CFAP251: variants seen among roughly 807,000 people sequenced by gnomAD.
CFAP251 encodes the protein cilia- and flagella-associated protein 251.
A neutral mutation model predicts 126.7 loss-of-function variants in CFAP251; 93 were observed. That is an observed-to-expected ratio of 0.73 (90% CI 0.62 to 0.87). CFAP251 has a LOEUF of 0.87. Among genes scored for constraint, CFAP251 ranks in the 40% least tolerant of loss-of-function variants. CFAP251 has a pLI of 0.00. For synonymous variants in CFAP251, 503 were observed against 506.9 expected (o/e 0.99, Z 0.10); for missense variants, 1,287 against 1,389.2 (o/e 0.93, Z 1.17).
At chr12:121,941,252 G>A (rs1039120527) in intron 5 of CFAP251, among the ~76,000 whole-genome samples, 9 of 149,332 alleles carry the variant, frequency 6.0e-5, no homozygotes, top group Admixed American at 3.3e-4. Context: ...GGCTGGTCTC[G>A]AACTCCTGAC....
At position 121,968,124 on chromosome 12, in the gene CFAP251, C is replaced by T. The variant is rs776828759; in HGVS notation, c.2726C>T (p.Ala909Val). ...TATGATGGCTGCTACGCCTTCACTG[C>T]GGGAGGGCACGATCGCTCGGTGGTG... ...VSYDGCYAFT[A>V]GGHDRSVVQW... is the part of the protein sequence containing the mutation. Residue 909 changes from alanine (A) to valine (V), a missense_variant, in exon 17 of 22, where the codon GCG (alanine) becomes GTG (valine). Transcript: ENST00000288912. 19 of 1,612,796 alleles carry T rather than the reference C, an allele frequency of 1.2e-5. No individual in the cohort carries two copies. Among genetic ancestry groups the T allele is most frequent in the South Asian group, 9.9e-5 (9 of 90,980 alleles).
At chr12:121,945,817 C>T (rs1232682325) in intron 7 of CFAP251, among the ~76,000 whole-genome samples, 1 of 151,788 alleles carries the variant, frequency 6.6e-6, no homozygotes, top group South Asian at 2.1e-4. Context: ...AGGCGCCCAC[C>T]ACCACGCCTG....
chr12:121,977,137 A>G lies in CFAP251; in HGVS notation c.3006+1452A>G, dbSNP rs150374546. On this transcript the variant is annotated intron_variant, in intron 19 of 21. Transcript: ENST00000288912. The stretch of plus-strand genomic sequence containing the variant: ...AGAGCCTACTACACGCCTGGGCCGT[A>G]TGGTAGAGCCTGTTGCTCCTAGGCT... Among the ~76,000 whole-genome samples, 8 of 152,316 alleles carry G rather than the reference A, an allele frequency of 5.3e-5. No homozygotes were observed. The East Asian group carries it at 1.5e-3, about 29-fold the overall frequency.
intron 1 of CFAP251, among the ~76,000 whole-genome samples, chr12:121,919,390 T>C (rs1880063918): frequency 6.6e-6 from 1 of 152,312 alleles, no homozygotes; most frequent in Admixed American, 6.5e-5. Context: ...AAGGAATAAA[T>C]GGAGAATATG....
At chr12:121,941,554 G>A (rs1190389211) in intron 5 of CFAP251, among the ~76,000 whole-genome samples, 4 of 151,802 alleles carry the variant, frequency 2.6e-5, no homozygotes, top group Non-Finnish European at 5.9e-5. Context: ...GGCTGATCTT[G>A]AACTCCTTAG....
In CFAP251 at chr12:121,975,282, T is replaced by C. The variant is rs770483356; in HGVS notation, c.2810T>C (p.Leu937Ser). The C allele has an allele frequency of 2.5e-6, 4 of 1,614,018 alleles. No individual in the cohort carries two copies. The highest frequency in any genetic ancestry group is 3.4e-6 in the Non-Finnish European group (4 of 1,180,050). Residue 937 changes from leucine to serine, a missense_variant, in exon 18 of 22, where the codon TTG (leucine) becomes TCG (serine). Coordinates refer to ENST00000288912, the MANE Select transcript of CFAP251 (RefSeq NM_144668.6). ...EAAVSLGGED[L>S]TPFYGLLSGG... ...GCGGTTTCTCTTGGGGGTGAAGACTTGACCCCATTCTATGGTCTGCTGTCT... is the reference window on the plus strand; with the variant it reads ...GCGGTTTCTCTTGGGGGTGAAGACTCGACCCCATTCTATGGTCTGCTGTCT...
intron 19 of CFAP251, among the ~76,000 whole-genome samples, chr12:121,987,639 C>T (rs913478783): frequency 3.3e-5 from 5 of 150,254 alleles, no homozygotes; most frequent in Non-Finnish European, 4.4e-5. Context: ...CGCTTGAACC[C>T]GGGAGGCGGA....
intron 19 of CFAP251, among the ~76,000 whole-genome samples, chr12:121,993,281 C>A (rs1193064872): frequency 3.2e-4 from 33 of 103,210 alleles, no homozygotes; most frequent in African/African-American, 8.9e-4. Context: ...CAATGGTGCC[C>A]AGGCTGGAGT....
At chr12:121,983,616 A>G (rs1285962969) in intron 19 of CFAP251, among the ~76,000 whole-genome samples, 1 of 152,144 alleles carries the variant, frequency 6.6e-6, no homozygotes, top group African/African-American at 2.4e-5. Context: ...CGGAGGTTGT[A>G]AGGTTTGCAC....
In CFAP251 at chr12:121,923,917, G is replaced by T; in HGVS notation, c.674G>T (p.Arg225Leu). Residue 225 changes from arginine (R) to leucine (L), a missense_variant, in exon 3 of 22, where the codon CGG (arginine) becomes CTG (leucine). Transcript: ENST00000288912. ...ATCCAGTCCAAAGCAGGGATCTCCC[G>T]GGAGTCACTGGTGTCCAGCACCACA... ...SDIQSKAGIS[R>L]ESLVSSTTED... 6.2e-7 allele frequency: 1 copy of T among 1,614,048 alleles called. No individual in the cohort carries two copies. The highest frequency in any genetic ancestry group is 1.7e-5 in the Admixed American group (1 of 59,984).
At chr12:121,931,696 C>G (rs764293834) in intron 3 of CFAP251, 50 bp from the exon 4 acceptor site, 2 of 1,440,152 alleles carry the variant, frequency 1.4e-6, no homozygotes, top group South Asian at 1.7e-5. Context: ...AGCCCCAGCT[C>G]TGGGCTGAAC....
chr12:121,921,443 A>T lies in CFAP251; in HGVS notation c.138A>T (p.Ala46=), dbSNP rs1034333599. The change falls in exon 2 of 22, where the codon GCA becomes GCT. Residue 46 remains alanine, a synonymous_variant. Transcript: ENST00000288912. ...AGGAATCAAAAGATGACACAATAGC[A>T]TGGAGAGAGTCTCAGGAGGAGGAGA... ...PQQESKDDTI[A]WRESQEEERK... 6.8e-6 allele frequency: 11 copies of T among 1,613,472 alleles called. No individual in the cohort carries two copies. The highest frequency in any genetic ancestry group is 8.5e-6 in the Non-Finnish European group (10 of 1,179,818).
intron 19 of CFAP251, among the ~76,000 whole-genome samples, chr12:121,981,956 C>T (rs534729414): frequency 3.9e-5 from 6 of 152,144 alleles, no homozygotes; most frequent in Non-Finnish European, 7.3e-5. Flanking sequence ...GTATCCGTTT[C>T]GTACAGTACA....
chr12:122,002,908 A>C (rs1308247387), intron 21 of CFAP251, among the ~76,000 whole-genome samples: 1 of 151,980 alleles, frequency 6.6e-6, no homozygotes, highest in Non-Finnish European at 1.5e-5. Flanking sequence ...CCCCACATCA[A>C]ATTAAACAAA....
Position 121,999,779 on chromosome 12 carries a change from A to C in CFAP251, c.3070A>C (p.Lys1024Gln), listed in dbSNP as rs764550507. ...EYVDTGKLID[K>Q]INLPDFLKVY... ...TGTGGACACTGGAAAGCTAATCGAC[A>C]AGATCAACTTACCAGATTTCCTAAA... Residue 1024 changes from lysine to glutamine, a missense_variant, in exon 20 of 22, where the codon AAG (lysine) becomes CAG (glutamine). By Grantham distance (53) the Lys-to-Gln change is moderately conservative. Coordinates refer to ENST00000288912, the MANE Select transcript of CFAP251 (RefSeq NM_144668.6). 1.2e-6 allele frequency: 2 copies of C among 1,613,860 alleles called. No individual in the cohort carries two copies. The highest frequency in any genetic ancestry group is 1.3e-5 in the African/African-American group (1 of 74,942).
At chr12:121,993,681 C>T (rs1251554540) in intron 19 of CFAP251, among the ~76,000 whole-genome samples, 3 of 138,724 alleles carry the variant, frequency 2.2e-5, no homozygotes, top group Admixed American at 7.0e-5. Flanking sequence ...AGGTGAGGAG[C>T]GTCTCTGCCC....
rs780941134 is a variant in CFAP251 at position 121,967,060 on chromosome 12, C to T, written c.2598C>T (p.Asn866=). ...ELQKRYLVFI[N]RDKVGLQILP... ...AGAAACGCTACTTGGTGTTTATTAA[C>T]AGAGACAAGGTAACAGCGCTCTCTT... is the stretch of plus-strand genomic sequence containing the variant. Residue 866 remains asparagine (N), a synonymous_variant, in exon 16 of 22, where the codon AAC becomes AAT. Coordinates refer to ENST00000288912, the MANE Select transcript of CFAP251 (RefSeq NM_144668.6). The T allele has an allele frequency of 6.2e-7, 1 of 1,614,012 alleles. No homozygotes were observed. The highest frequency in any genetic ancestry group is 2.2e-5 in the East Asian group (1 of 44,874).
chr12:121,932,101 T>G (rs1880716049), intron 4 of CFAP251: 1 of 375,444 alleles, frequency 2.7e-6, no homozygotes, highest in Admixed American at 4.8e-5. Context: ...CAGTTGATAT[T>G]AATTTTATAG....
chr12:121,976,655 A>C (rs1054824569), intron 19 of CFAP251, among the ~76,000 whole-genome samples: 2 of 152,332 alleles, frequency 1.3e-5, no homozygotes, highest in East Asian at 3.9e-4. Flanking sequence ...CCTATAATCC[A>C]AACACTTTGG....
Sources: allele counts gnomAD v4.1 joint callset (sites outside exome capture counted in the v4.1 genomes callset), GRCh38; gene constraint gnomAD v4.1.1; transcripts MANE v1.5; gene names NCBI Gene and HGNC (gene_info 2026-07-23, HGNC 2026-07-21).